The following CCDC91 variants were observed in gnomAD, a reference collection of about 807,000 sequenced individuals.
CCDC91 encodes coiled-coil domain containing 91.
In CCDC91, 48 loss-of-function variants were observed where a neutral mutation model predicts 63.2. The observed-to-expected ratio is 0.76, with a 90% CI of 0.60 to 0.97. The LOEUF (loss-of-function observed/expected upper bound fraction) is 0.97, where lower values mean the gene tolerates loss of function less well. Ranked by LOEUF, CCDC91 falls within the 50% of genes least tolerant of loss-of-function variation. The pLI, the probability that CCDC91 is intolerant of heterozygous loss-of-function variation, is 0.00. For missense variants in CCDC91, 500 were observed against 494.6 expected, an observed-to-expected ratio of 1.01 and a Z score of -0.10; for synonymous variants, 167 against 165.8, an observed-to-expected ratio of 1.01 and a Z score of -0.06.
chr12:28,396,977 C>T (rs1192279843), intron 8 of CCDC91, among the ~76,000 whole-genome samples: 1 of 151,868 alleles, frequency 6.6e-6, no homozygotes, highest in Middle Eastern at 3.2e-3. Flanking sequence ...GTATATAGTC[C>T]TAAGTATATA....
At chr12:28,258,883 A>T (rs1158147943) in intron 2 of CCDC91, among the ~76,000 whole-genome samples, 1 of 152,032 alleles carries the variant, frequency 6.6e-6, no homozygotes, top group Non-Finnish European at 1.5e-5. Flanking sequence ...TTCTCTAAAT[A>T]TTGAAAGCTA....
chr12:28,212,418 G>GTGTT (rs1943291609), intron 1 of CCDC91, among the ~76,000 whole-genome samples: 1 of 152,170 alleles, frequency 6.6e-6, no homozygotes, highest in South Asian at 2.1e-4. Context: ...TTACAGGTTG[G>GTGTT]TGTTTGCCTT....
chr12:28,536,186 TGTTA>T (rs72284402), intron 12 of CCDC91, among the ~76,000 whole-genome samples: 31,038 of 151,962 alleles, frequency 0.2, 4,125 homozygotes, highest in Non-Finnish European at 0.3. Context: ...AGTAGGCCAG[TGTTA>T]GTTGACAAGA....
intron 8 of CCDC91, among the ~76,000 whole-genome samples, chr12:28,402,604 T>G (rs1157062252): frequency 6.8e-6 from 1 of 146,376 alleles, no homozygotes; most frequent in East Asian, 2.0e-4. Context: ...AAAAAAAAAT[T>G]ATTTCTTTCT....
intron 12 of CCDC91, among the ~76,000 whole-genome samples, chr12:28,493,758 A>T (rs1461664211): frequency 1.3e-5 from 2 of 151,774 alleles, no homozygotes; most frequent in Non-Finnish European, 2.9e-5. Flanking sequence ...GGTATCTCTT[A>T]TAAAAACAAA....
chr12:28,321,307 T>G (rs1198032249), intron 6 of CCDC91, among the ~76,000 whole-genome samples: 2 of 151,888 alleles, frequency 1.3e-5, no homozygotes, highest in African/African-American at 4.8e-5. Context: ...AGTTATTGTT[T>G]GGCTGTTTCC....
At chr12:28,272,550 A>C (rs1947856020) in intron 3 of CCDC91, among the ~76,000 whole-genome samples, 1 of 151,872 alleles carries the variant, frequency 6.6e-6, no homozygotes, top group South Asian at 2.1e-4. Flanking sequence ...TTATTGTCTA[A>C]GGTGATGTAA....
chr12:28,221,339 G>T (rs529455924), intron 1 of CCDC91, among the ~76,000 whole-genome samples: 2 of 151,728 alleles, frequency 1.3e-5, no homozygotes, highest in African/African-American at 2.4e-5. Flanking sequence ...TTTTATGTCC[G>T]CTGATTCTCT....
chr12:28,528,970 T>C (rs1426496586), intron 12 of CCDC91, among the ~76,000 whole-genome samples: 1 of 152,144 alleles, frequency 6.6e-6, no homozygotes, highest in Non-Finnish European at 1.5e-5. Flanking sequence ...CTGAATCATA[T>C]GATCCTATTG....
intron 12 of CCDC91, among the ~76,000 whole-genome samples, chr12:28,520,908 T>C (rs1429830837): frequency 6.6e-6 from 1 of 152,050 alleles, no homozygotes; most frequent in Non-Finnish European, 1.5e-5. Context: ...TTCTGAGTGC[T>C]CTGTTCTGTT....
chr12:28,374,923 T>C (rs953491286), intron 7 of CCDC91, among the ~76,000 whole-genome samples: 2 of 152,116 alleles, frequency 1.3e-5, no homozygotes, highest in African/African-American at 4.8e-5. Context: ...AATATTCTTA[T>C]TCTGTCTTTA....
intron 1 of CCDC91, among the ~76,000 whole-genome samples, chr12:28,243,377 G>A (rs997884484): frequency 3.3e-5 from 5 of 152,124 alleles, no homozygotes; most frequent in Non-Finnish European, 7.4e-5. Flanking sequence ...CCCAGTTTCT[G>A]ATATGAGAAA....
intron 1 of CCDC91, among the ~76,000 whole-genome samples, chr12:28,232,939 C>G (rs949546014): frequency 6.7e-6 from 1 of 148,618 alleles, no homozygotes. Context: ...TGAGATTGCA[C>G]TCCAGCCTGG....
intron 3 of CCDC91, among the ~76,000 whole-genome samples, chr12:28,261,151 T>C (rs1259465757): frequency 6.6e-6 from 1 of 151,976 alleles, no homozygotes; most frequent in Admixed American, 6.6e-5. Context: ...GAAAGAATGG[T>C]GTTACCATGA....
chr12:28,263,440 C>T (rs1946964456), intron 3 of CCDC91, among the ~76,000 whole-genome samples: 1 of 151,886 alleles, frequency 6.6e-6, no homozygotes, highest in Admixed American at 6.6e-5. Context: ...TAAAATCATA[C>T]AGTATTTGTC....
intron 7 of CCDC91, among the ~76,000 whole-genome samples, chr12:28,368,315 T>C (rs1944402877): frequency 6.6e-6 from 1 of 152,244 alleles, no homozygotes; most frequent in Non-Finnish European, 1.5e-5. Flanking sequence ...TTTAATTCTT[T>C]TGTTATTGAA....
chr12:28,288,395 T>G (rs1385145475), intron 3 of CCDC91, among the ~76,000 whole-genome samples: 1 of 152,172 alleles, frequency 6.6e-6, no homozygotes, highest in African/African-American at 2.4e-5. Flanking sequence ...TTATTGAGAG[T>G]TTTTAACATG....
At chr12:28,423,975 A>G (rs903412296) in intron 8 of CCDC91, among the ~76,000 whole-genome samples, 1 of 152,190 alleles carries the variant, frequency 6.6e-6, no homozygotes, top group Non-Finnish European at 1.5e-5. Flanking sequence ...GGCACTTGAA[A>G]TAAATTGCAT....
chr12:28,460,257 A>G (rs1950239165), intron 11 of CCDC91, among the ~76,000 whole-genome samples: 2 of 152,088 alleles, frequency 1.3e-5, no homozygotes, highest in Non-Finnish European at 2.9e-5. Flanking sequence ...TCCTGATCAC[A>G]TTGTTTGCGT....
Sources: gnomAD v4.1 joint callset for allele counts (sites outside exome capture counted in the v4.1 genomes callset) on GRCh38, gnomAD v4.1.1 for gene constraint, MANE v1.5 for transcripts, NCBI Gene and HGNC (gene_info 2026-07-23, HGNC 2026-07-21) for gene names.